GPHN: variants seen among roughly 807,000 people sequenced by gnomAD.
The protein encoded by GPHN is gephyrin.
A neutral mutation model predicts 95.5 loss-of-function variants in GPHN; 17 were observed. The observed-to-expected ratio is 0.18, with a 90% confidence interval of 0.12 to 0.27. The LOEUF (loss-of-function observed/expected upper bound fraction) is 0.27, where lower values mean the gene tolerates loss of function less well. Ranked by LOEUF, GPHN falls within the 10% of genes least tolerant of loss-of-function variation. The pLI, the probability that GPHN is intolerant of heterozygous loss-of-function variation, is 1.00. For missense variants in GPHN, 660 were observed against 978.1 expected (o/e 0.67, Z 4.34); for synonymous variants, 320 against 322.5 (o/e 0.99, Z 0.08).
rs75223677 is a variant in GPHN, at chr14:66,763,782, C to T, written c.144-12682C>T. Among the ~76,000 whole-genome samples the T allele has an allele frequency of 7.6e-4, 115 of 152,180 alleles. 1 individual carries two copies. In the East Asian group the frequency reaches 0.02, roughly 27 times the overall value. Reference sequence around the variant, plus strand: ...TTGGGAACCAGGTCACACAGCAGGACGTGAGCGGCAGACGTGAGCAAAACT... The same window carrying T: ...TTGGGAACCAGGTCACACAGCAGGATGTGAGCGGCAGACGTGAGCAAAACT... On this transcript the variant is annotated intron_variant, in intron 2 of 22. Transcript: ENST00000478722.
At chr14:67,321,383 C>A in the GPHN span, 1 of 852,096 alleles carries the variant, frequency 1.2e-6, no homozygotes, top group Non-Finnish European at 1.8e-6. Context: ...CGGTTTTTCC[C>A]ACTGATTTGC....
chr14:67,461,499 A>G, the GPHN span, among the ~76,000 whole-genome samples: 1 of 152,214 alleles, frequency 6.6e-6, no homozygotes, highest in South Asian at 2.1e-4. Context: ...GGAGCAATCT[A>G]GCCCCTTCCA....
intron 1 of GPHN, among the ~76,000 whole-genome samples, chr14:66,616,534 G>T (rs558415836): frequency 6.6e-6 from 1 of 151,884 alleles, no homozygotes; most frequent in Non-Finnish European, 1.5e-5. Context: ...GTTTGCTCCC[G>T]TGCCTGGAGA....
intron 3 of GPHN, among the ~76,000 whole-genome samples, chr14:66,821,752 G>A (rs1008908322): frequency 2.0e-5 from 3 of 152,088 alleles, no homozygotes; most frequent in Non-Finnish European, 2.9e-5. Flanking sequence ...TAAAATTTTT[G>A]CTCACATGAA....
chr14:67,662,521 A>T, the GPHN span: 4 of 1,611,242 alleles, frequency 2.5e-6, no homozygotes, highest in African/African-American at 5.4e-5. Flanking sequence ...TCCCTGATCA[A>T]TTTCTTCTTT....
At chr14:66,583,540 T>A (rs559438333) in intron 1 of GPHN, among the ~76,000 whole-genome samples, 1 of 152,308 alleles carries the variant, frequency 6.6e-6, no homozygotes, top group South Asian at 2.1e-4. Context: ...AAGTCTTTAA[T>A]CCATCTTGAA....
At chr14:67,603,830 C>T in the GPHN span, among the ~76,000 whole-genome samples, 135,614 of 152,036 alleles carry the variant, frequency 0.89, 60,552 homozygotes, top group Admixed American at 0.93. Context: ...TACAGGCATG[C>T]GCCACCATGC....
chr14:67,195,754 TGTG>T, the GPHN span, among the ~76,000 whole-genome samples: 8 of 151,414 alleles, frequency 5.3e-5, no homozygotes, highest in Non-Finnish European at 8.8e-5. Context: ...TGTGTGTGTG[TGTG>T]TTTTGAGACA....
chr14:67,506,272 G>C, the GPHN span, among the ~76,000 whole-genome samples: 1 of 152,098 alleles, frequency 6.6e-6, no homozygotes, highest in Admixed American at 6.6e-5. Context: ...AAGACTTAAA[G>C]TGATCACAGA....
At chr14:67,452,325 CAAAAA>C in the GPHN span, among the ~76,000 whole-genome samples, 1 of 107,914 alleles carries the variant, frequency 9.3e-6, no homozygotes. Flanking sequence ...GACTCTGTCT[CAAAAA>C]AAAAAAAAAA....
the GPHN span, chr14:67,412,151 C>A: frequency 2.6e-6 from 3 of 1,172,726 alleles, no homozygotes; most frequent in South Asian, 3.9e-5. Context: ...TCCGCGCCCA[C>A]GGCGCCCAGG....
intron 10 of GPHN, among the ~76,000 whole-genome samples, chr14:67,053,155 A>G (rs147610566): frequency 0.011 from 1,631 of 150,302 alleles, 17 homozygotes; most frequent in Non-Finnish European, 0.017. Context: ...AAAAAAATCA[A>G]TGAATCTAGG....
At chr14:67,318,372 C>T in the GPHN span, among the ~76,000 whole-genome samples, 1 of 152,072 alleles carries the variant, frequency 6.6e-6, no homozygotes, top group Non-Finnish European at 1.5e-5. Context: ...GATTATGTAA[C>T]TAAAAAGATT....
the GPHN span, among the ~76,000 whole-genome samples, chr14:67,455,910 T>C: frequency 6.6e-6 from 1 of 152,192 alleles, no homozygotes; most frequent in African/African-American, 2.4e-5. Flanking sequence ...ATTTTGGACA[T>C]AGGCCCTGGC....
the GPHN span, among the ~76,000 whole-genome samples, chr14:67,388,503 A>C: frequency 6.6e-6 from 1 of 152,188 alleles, no homozygotes; most frequent in East Asian, 1.9e-4. Context: ...AGCCAGCAGC[A>C]GTAGTGCCCA....
intron 8 of GPHN, among the ~76,000 whole-genome samples, chr14:66,955,905 A>G (rs1009524842): frequency 2.0e-5 from 3 of 152,154 alleles, no homozygotes; most frequent in African/African-American, 7.2e-5. Flanking sequence ...TTATGGCTGC[A>G]TAGTATTCCA....
chr14:67,137,020 G>A (rs901102168), intron 17 of GPHN, among the ~76,000 whole-genome samples: 1 of 152,072 alleles, frequency 6.6e-6, no homozygotes, highest in Non-Finnish European at 1.5e-5. Context: ...TGCCAAGCAT[G>A]GTGGCACACA....
At chr14:66,554,278 G>GT (rs1433812351) in intron 1 of GPHN, among the ~76,000 whole-genome samples, 2 of 152,218 alleles carry the variant, frequency 1.3e-5, no homozygotes, top group African/African-American at 4.8e-5. Context: ...AAGTAGGACT[G>GT]TGGCTTCAAT....
chr14:67,279,211 C>G, the GPHN span: 1 of 1,610,738 alleles, frequency 6.2e-7, no homozygotes, highest in Non-Finnish European at 8.5e-7. Flanking sequence ...ACAGAGGAAT[C>G]AGACAGCGAA....
Sources: allele counts gnomAD v4.1 joint callset (sites outside exome capture counted in the v4.1 genomes callset), GRCh38; gene constraint gnomAD v4.1.1; transcripts MANE v1.5; gene names NCBI Gene and HGNC (gene_info 2026-07-23, HGNC 2026-07-21).